The following ARHGAP31 variants were observed in gnomAD, a reference collection of about 807,000 sequenced individuals.
ARHGAP31 encodes Rho GTPase activating protein 31, also known as rho GTPase-activating protein 31.
A neutral mutation model predicts 113.9 loss-of-function variants in ARHGAP31; 34 were observed. The ratio of observed to expected loss-of-function variants is 0.30; its 90% CI spans 0.23 to 0.40. The LOEUF (loss-of-function observed/expected upper bound fraction) is 0.40. Ranked by LOEUF, ARHGAP31 falls within the 10% of genes least tolerant of loss-of-function variation. The pLI is 1.00. For missense variants in ARHGAP31, 1,548 were observed against 1,767.1 expected (o/e 0.88, Z 2.22); for synonymous variants, 650 against 684.8 (o/e 0.95, Z 0.79).
rs779874581 is a variant in ARHGAP31, at chr3:119,368,355, C to T, written c.204-17C>T. 24 of 1,613,944 alleles carry T rather than the reference C, an allele frequency of 1.5e-5. No homozygotes were observed. The highest frequency in any genetic ancestry group is 3.3e-5 in the Admixed American group (2 of 60,016). ...ACACTCCCTGGGATTGTTATGTCTC[C>T]GTCTGTGTTGTTTCAGGCAAGAGTT... On this transcript the variant is annotated splice_polypyrimidine_tract_variant and intron_variant, in intron 2 of 11. Transcript: ENST00000264245.
intron 1 of ARHGAP31, chr3:119,324,744 C>T (rs1470871305): frequency 3.4e-6 from 1 of 292,794 alleles, no homozygotes; most frequent in African/African-American, 2.2e-5. Flanking sequence ...CTACTCTCAA[C>T]CCCTAGCCCT....
intron 1 of ARHGAP31, among the ~76,000 whole-genome samples, chr3:119,326,718 A>G (rs1020788040): frequency 1.3e-5 from 2 of 152,232 alleles, no homozygotes; most frequent in African/African-American, 4.8e-5. Context: ...GCGTTTTGCC[A>G]CACATGATGC....
At chr3:119,311,240 T>G (rs1057485398) in intron 1 of ARHGAP31, among the ~76,000 whole-genome samples, 7 of 152,192 alleles carry the variant, frequency 4.6e-5, no homozygotes, top group African/African-American at 1.7e-4. Context: ...GCACCCATCC[T>G]CTGTTCCTCT....
chr3:119,415,790 C>G lies in ARHGAP31; in HGVS notation c.3861C>G (p.Thr1287=), dbSNP rs1473987105. 1.2e-6 allele frequency: 2 copies of G among 1,614,194 alleles called. No individual in the cohort carries two copies. The stretch of plus-strand genomic sequence containing the variant: ...CACCCTGCATGTGCGAGGGACCTAC[C>G]CTTTCTCCAGAACCAGGCTCGTCTA... ...ATAPCMCEGP[T]LSPEPGSSNL... Residue 1287 remains threonine, a synonymous_variant, in exon 12 of 12, where the codon ACC becomes ACG. Coordinates refer to ENST00000264245, the MANE Select transcript of ARHGAP31 (RefSeq NM_020754.4).
intron 3 of ARHGAP31, among the ~76,000 whole-genome samples, chr3:119,372,071 C>T (rs906368429): frequency 3.3e-5 from 5 of 152,112 alleles, no homozygotes; most frequent in African/African-American, 4.8e-5. Context: ...AATGAACATA[C>T]GTGTGCATGC....
chr3:119,387,255 C>T (rs28595717), intron 6 of ARHGAP31, among the ~76,000 whole-genome samples: 6,227 of 152,312 alleles, frequency 0.041, 398 homozygotes, highest in African/African-American at 0.14. Context: ...TGGCCCTGTC[C>T]GGGCATAACA....
chr3:119,335,347 A>C (rs190062111), intron 1 of ARHGAP31, among the ~76,000 whole-genome samples: 8 of 152,364 alleles, frequency 5.3e-5, no homozygotes, highest in Admixed American at 5.2e-4. Context: ...GATAATGTAC[A>C]TAAAGTCTTT....
chr3:119,345,587 G>T (rs964437922), intron 1 of ARHGAP31, among the ~76,000 whole-genome samples: 5 of 152,134 alleles, frequency 3.3e-5, no homozygotes, highest in Non-Finnish European at 5.9e-5. Context: ...CTCCTGTTTT[G>T]CTTCCCACTG....
intron 6 of ARHGAP31, among the ~76,000 whole-genome samples, chr3:119,388,604 T>A (rs190649446): frequency 2.6e-5 from 4 of 152,252 alleles, no homozygotes; most frequent in Admixed American, 2.0e-4. Context: ...TACCAGCATC[T>A]TAGCAGTGGG....
chr3:119,385,783 G>A (rs75756645), intron 6 of ARHGAP31, among the ~76,000 whole-genome samples: 12 of 152,200 alleles, frequency 7.9e-5, no homozygotes, highest in Non-Finnish European at 1.3e-4. Flanking sequence ...AATTCGCTGC[G>A]TGTGGACTAC....
At chr3:119,302,824 A>G (rs1428001608) in intron 1 of ARHGAP31, among the ~76,000 whole-genome samples, 1 of 152,186 alleles carries the variant, frequency 6.6e-6, no homozygotes, top group Non-Finnish European at 1.5e-5. Flanking sequence ...ATGAAAAGTG[A>G]TTTTGCTCCC....
At chr3:119,372,568 C>T (rs1259475999) in intron 3 of ARHGAP31, among the ~76,000 whole-genome samples, 1 of 152,128 alleles carries the variant, frequency 6.6e-6, no homozygotes, top group African/African-American at 2.4e-5. Flanking sequence ...CAGGCGTGAA[C>T]CACCGCACCC....
At chr3:119,411,405 T>C (rs77891330) in intron 11 of ARHGAP31, among the ~76,000 whole-genome samples, 22,065 of 151,938 alleles carry the variant, frequency 0.15, 2,012 homozygotes, top group Admixed American at 0.2. Flanking sequence ...ATTTAGAAGG[T>C]AGAATGGACA....
intron 1 of ARHGAP31, among the ~76,000 whole-genome samples, chr3:119,354,964 T>C (rs116220520): frequency 3.4e-4 from 52 of 152,180 alleles, no homozygotes; most frequent in African/African-American, 1.0e-3. Context: ...CCTGTAGTGG[T>C]AGGATTTCAG....
intron 1 of ARHGAP31, among the ~76,000 whole-genome samples, chr3:119,359,540 A>G (rs2080187495): frequency 6.6e-6 from 1 of 152,146 alleles, no homozygotes; most frequent in Non-Finnish European, 1.5e-5. Context: ...GCCAGGAAGA[A>G]AAGAGTAGAA....
At chr3:119,381,010 C>G in intron 4 of ARHGAP31, 24 bp downstream of exon 4, 1 of 1,594,328 alleles carries the variant, frequency 6.3e-7, no homozygotes, top group Non-Finnish European at 8.6e-7. Flanking sequence ...GGAAAAGAAA[C>G]GTGTGGCCTC....
At chr3:119,311,148 T>A (rs925987560) in intron 1 of ARHGAP31, among the ~76,000 whole-genome samples, 13 of 152,110 alleles carry the variant, frequency 8.5e-5, no homozygotes, top group African/African-American at 3.1e-4. Context: ...TGCCCTAGAG[T>A]AGACCTCTGT....
In ARHGAP31 at chr3:119,309,954, T is replaced by TG. The variant is rs1553758832; in HGVS notation, c.100+14950_100+14951insG. On this transcript the variant is annotated intron_variant, in intron 1 of 11. Coordinates refer to ENST00000264245, the MANE Select transcript of ARHGAP31 (RefSeq NM_020754.4). The stretch of plus-strand genomic sequence containing the variant: ...GATTAAAGGCACTATCAACTGTTTT[T>TG]TTTTTTTTTTAATCTCAGGTCTCAA... Among the ~76,000 whole-genome samples, 7 of 151,820 alleles carry TG rather than the reference T, an allele frequency of 4.6e-5. 1 individual carries two copies. The South Asian group carries it at 1.3e-3, about 27-fold the overall frequency.
At chr3:119,364,298 T>A (rs1680737414) in intron 1 of ARHGAP31, among the ~76,000 whole-genome samples, 1 of 152,148 alleles carries the variant, frequency 6.6e-6, no homozygotes, top group Non-Finnish European at 1.5e-5. Flanking sequence ...AACCTTTAAA[T>A]CACCTTCGAC....
Sources: allele counts gnomAD v4.1 joint callset (sites outside exome capture counted in the v4.1 genomes callset), GRCh38; gene constraint gnomAD v4.1.1; transcripts MANE v1.5; gene names NCBI Gene and HGNC (gene_info 2026-07-23, HGNC 2026-07-21).